The following CEMIP2 variants were observed in gnomAD, a reference collection of about 807,000 sequenced individuals.
The protein encoded by CEMIP2 is cell surface hyaluronidase CEMIP2.
A neutral mutation model predicts 146.9 loss-of-function variants in CEMIP2; 79 were observed. The observed-to-expected ratio is 0.54, with a 90% CI of 0.45 to 0.65. The LOEUF is 0.65. CEMIP2 is among the 30% of genes least tolerant of loss of function. The pLI is 0.00. For synonymous variants in CEMIP2, 601 were observed against 606.3 expected (o/e 0.99, Z 0.13); for missense variants, 1,596 against 1,696.2 (o/e 0.94, Z 1.04).
chr9:71,713,473 C>T (rs1564004920), intron 15 of CEMIP2, among the ~76,000 whole-genome samples: 2 of 152,124 alleles, frequency 1.3e-5, no homozygotes, highest in African/African-American at 2.4e-5. Flanking sequence ...TCTTTATCAG[C>T]AGTGTGAAAA....
At chr9:71,691,967 G>A (rs1822240670) in intron 21 of CEMIP2, among the ~76,000 whole-genome samples, 2 of 152,008 alleles carry the variant, frequency 1.3e-5, no homozygotes, top group South Asian at 4.1e-4. Flanking sequence ...AAATTAGCTG[G>A]GCATGGTGCC....
intron 11 of CEMIP2, among the ~76,000 whole-genome samples, chr9:71,724,692 A>G (rs1823331569): frequency 6.6e-6 from 1 of 152,194 alleles, no homozygotes; most frequent in East Asian, 1.9e-4. Context: ...AAAAAATGGA[A>G]ACTCCTAATG....
intron 11 of CEMIP2, among the ~76,000 whole-genome samples, chr9:71,725,158 T>C (rs1823347257): frequency 1.3e-5 from 2 of 152,260 alleles, no homozygotes; most frequent in Non-Finnish European, 2.9e-5. Context: ...TTGACATTTC[T>C]CAGCTATAAT....
At chr9:71,757,092 C>T (rs1436956589) in intron 1 of CEMIP2, among the ~76,000 whole-genome samples, 1 of 152,100 alleles carries the variant, frequency 6.6e-6, no homozygotes, top group Admixed American at 6.5e-5. Context: ...AGGACACTTG[C>T]CCCCTAGGCT....
intron 1 of CEMIP2, among the ~76,000 whole-genome samples, chr9:71,754,246 A>G (rs1223024160): frequency 1.3e-5 from 2 of 152,224 alleles, no homozygotes; most frequent in African/African-American, 4.8e-5. Context: ...AAAATAAAAT[A>G]AATCACTTGT....
intron 5 of CEMIP2, 54 bp from the exon 6 acceptor site, chr9:71,735,048 TTC>T: frequency 6.5e-7 from 1 of 1,534,126 alleles, no homozygotes; most frequent in Non-Finnish European, 8.7e-7. Flanking sequence ...CAGTATTTTT[TTC>T]TCTCTAAAAT....
intron 11 of CEMIP2, among the ~76,000 whole-genome samples, chr9:71,723,158 C>CAAAA (rs1823289982): frequency 4.1e-5 from 4 of 97,108 alleles, no homozygotes; most frequent in Non-Finnish European, 1.0e-4. Flanking sequence ...AAAAACAAAA[C>CAAAA]CATGATGGAC....
chr9:71,730,023 G>A lies in CEMIP2; in HGVS notation c.1979+25C>T, dbSNP rs754268671. ...AAAAGTCAAAGGCCCTGACTCATGG[G>A]TTTTTCTCTCCGCCAATTACTCACA... On this transcript the variant is annotated intron_variant, in intron 9 of 23. Transcript: ENST00000377044. The A allele has an allele frequency of 1.9e-6, 3 of 1,614,046 alleles. No homozygotes were observed. The Admixed American group carries it at 5.0e-5, about 27-fold the overall frequency.
intron 22 of CEMIP2, among the ~76,000 whole-genome samples, chr9:71,687,966 C>A (rs1822117805): frequency 1.3e-5 from 2 of 152,176 alleles, no homozygotes; most frequent in Non-Finnish European, 2.9e-5. Flanking sequence ...AAGGGATCTT[C>A]CTGTCCTAGC....
chr9:71,740,515 T>G (rs1358338215), intron 4 of CEMIP2, among the ~76,000 whole-genome samples: 2 of 152,180 alleles, frequency 1.3e-5, no homozygotes, highest in Non-Finnish European at 2.9e-5. Flanking sequence ...TCAATACACA[T>G]CCATATCACA....
intron 2 of CEMIP2, among the ~76,000 whole-genome samples, chr9:71,747,972 C>G (rs948518562): frequency 1.3e-5 from 2 of 152,088 alleles, no homozygotes; most frequent in African/African-American, 4.8e-5. Context: ...AGCTTTTCTT[C>G]CCATCAAAGA....
chr9:71,702,189 C>T (rs895528982), intron 18 of CEMIP2, among the ~76,000 whole-genome samples: 11 of 146,564 alleles, frequency 7.5e-5, no homozygotes, highest in South Asian at 4.3e-4. Flanking sequence ...ACCCAGGAGG[C>T]GGAGGTTGCA....
At chr9:71,713,325 T>C (rs565828549) in intron 15 of CEMIP2, among the ~76,000 whole-genome samples, 57 of 152,248 alleles carry the variant, frequency 3.7e-4, no homozygotes, top group African/African-American at 1.2e-3. Context: ...AGCTCTCTTT[T>C]TGCCTGCTGC....
At chr9:71,735,128 T>G in intron 5 of CEMIP2, 134 bp from the exon 6 acceptor site, 843 of 835,844 alleles carry the variant, frequency 1.0e-3, no homozygotes, top group Non-Finnish European at 1.3e-3. Context: ...TTACGCATGC[T>G]ACCATGTATT....
At chr9:71,757,154 G>T (rs1824484268) in intron 1 of CEMIP2, among the ~76,000 whole-genome samples, 1 of 149,004 alleles carries the variant, frequency 6.7e-6, no homozygotes, top group Non-Finnish European at 1.5e-5. Context: ...TGCAGAGAAG[G>T]TGCCACAGCC....
Position 71,709,041 on chromosome 9 carries a change from T to G in CEMIP2, c.2985+218A>C, listed in dbSNP as rs187356827. ...TCTCTGGGACTCACTCTTTCACCTC[T>G]TAAACAGATCTGGAGTTGGGGAGTT... On this transcript the variant is annotated intron_variant, in intron 17 of 23. Transcript: ENST00000377044. Among the ~76,000 whole-genome samples the G allele has an allele frequency of 2.1e-3, 327 of 152,266 alleles. 2 individuals are homozygous for G. Among genetic ancestry groups the G allele is most frequent in the Non-Finnish European group, 1.7e-3 (114 of 68,022 alleles).
chr9:71,706,789 T>C (rs1367713194), intron 17 of CEMIP2, among the ~76,000 whole-genome samples: 1 of 152,086 alleles, frequency 6.6e-6, no homozygotes, highest in Non-Finnish European at 1.5e-5. Flanking sequence ...GCCAAAACTG[T>C]AGCTACAAAA....
At chr9:71,768,536 AG>A (rs1824872878), upstream of CEMIP2, 1 of 152,052 alleles carries the variant, frequency 6.6e-6, no homozygotes, top group Admixed American at 6.6e-5. Context: ...CTCTGCCTGG[AG>A]GTGAAATACT....
chr9:71,767,331 C>T (rs1824827024), intron 1 of CEMIP2, among the ~76,000 whole-genome samples: 1 of 152,148 alleles, frequency 6.6e-6, no homozygotes, highest in East Asian at 1.9e-4. Flanking sequence ...GGAAGAGCAG[C>T]ACATCTCAAT....
Sources: allele counts gnomAD v4.1 joint callset (sites outside exome capture counted in the v4.1 genomes callset), GRCh38; gene constraint gnomAD v4.1.1; transcripts MANE v1.5; gene names NCBI Gene and HGNC (gene_info 2026-07-23, HGNC 2026-07-21).